ADAM10: variants seen among roughly 807,000 people sequenced by gnomAD.
ADAM10 encodes the protein ADAM metallopeptidase domain 10.
Under a neutral mutation model 90.1 loss-of-function variants are expected in ADAM10, and 17 were observed. The observed-to-expected ratio is 0.19, with a 90% CI of 0.13 to 0.28. The LOEUF (loss-of-function observed/expected upper bound fraction) is 0.28, where lower values mean the gene tolerates loss of function less well. Ranked by LOEUF, ADAM10 falls within the 10% of genes least tolerant of loss-of-function variation. The probability of loss-of-function intolerance (pLI) is 1.00; values close to 1 mark genes in which losing one functional copy is unlikely to be tolerated. For synonymous variants in ADAM10, 310 were observed against 298.6 expected (o/e 1.04, Z -0.40); for missense variants, 610 against 914.3 (o/e 0.67, Z 4.29).
intron 5 of ADAM10, among the ~76,000 whole-genome samples, chr15:58,659,705 G>A (rs1457005820): frequency 1.3e-5 from 2 of 152,026 alleles, no homozygotes; most frequent in Admixed American, 1.3e-4. Context: ...AAGTAACACT[G>A]CCCTCATAAA....
chr15:58,695,687 A>T (rs1156793694), intron 2 of ADAM10, among the ~76,000 whole-genome samples: 2 of 152,176 alleles, frequency 1.3e-5, no homozygotes, highest in African/African-American at 4.8e-5. Context: ...GTCTAAAAAA[A>T]AAAGAACGAA....
rs1894783257 is a variant in ADAM10, at chr15:58,589,520, G to GT, written c.*8026dup. 6.6e-6 allele frequency: 1 copy of GT among 152,218 alleles called. No individual in the cohort carries two copies. The highest frequency in any genetic ancestry group is 2.1e-4 in the South Asian group (1 of 4,828). The allele number at this position is 152,218 out of a possible 1,614,324, so 9.4% of individuals were successfully genotyped here. A position where few individuals can be genotyped will look rare whatever the true frequency, so the allele number is the denominator to read the frequency against. ...TTTCCAACACAAACCCCTCTGTACT[G>GT]TAACTGCTGGTTTCTTTCCTTCCGC... On this transcript the variant is annotated 3_prime_UTR_variant, in exon 16 of 16. Coordinates refer to ENST00000260408, the MANE Select transcript of ADAM10 (RefSeq NM_001110.4).
chr15:58,625,183 T>C (rs1226204621), intron 10 of ADAM10, among the ~76,000 whole-genome samples: 3 of 152,196 alleles, frequency 2.0e-5, no homozygotes, highest in Non-Finnish European at 2.9e-5. Context: ...TGTGAAACTT[T>C]TGCTCCACGA....
Position 58,597,341 on chromosome 15 carries a change from C to CT in ADAM10, c.*205dup. The CT allele has an allele frequency of 6.5e-7, 1 of 1,528,066 alleles. No homozygotes were observed. Among genetic ancestry groups the CT allele is most frequent in the South Asian group, 1.2e-5 (1 of 80,514 alleles). 94.7% of individuals were successfully genotyped at this position (1,528,066 alleles called of 1,614,324 possible). A position where few individuals can be genotyped will look rare whatever the true frequency, so the allele number is the denominator to read the frequency against. ...ATCTGTTCATAAGAAAATTGGGTTC[C>CT]TTTTCCACCTCCCACCCCCAAATTG... On this transcript the variant is annotated 3_prime_UTR_variant, in exon 16 of 16. Coordinates refer to ENST00000260408, the MANE Select transcript of ADAM10 (RefSeq NM_001110.4).
At chr15:58,627,150 T>C (rs539016783) in intron 10 of ADAM10, among the ~76,000 whole-genome samples, 9 of 152,242 alleles carry the variant, frequency 5.9e-5, no homozygotes, top group African/African-American at 2.2e-4. Context: ...CAAAGCTGTA[T>C]ACTGAGTTAA....
At chr15:58,664,242 T>C (rs1340536341) in intron 5 of ADAM10, among the ~76,000 whole-genome samples, 1 of 152,022 alleles carries the variant, frequency 6.6e-6, no homozygotes, top group Non-Finnish European at 1.5e-5. Flanking sequence ...GTGTAGAATA[T>C]CATCCTATAC....
intron 2 of ADAM10, chr15:58,703,744 T>C (rs1397134991): frequency 6.6e-6 from 1 of 152,288 alleles, no homozygotes; most frequent in African/African-American, 2.4e-5. Flanking sequence ...TCCCCCTTGC[T>C]GTTCTTCTGA....
At chr15:58,726,318 A>G (rs768106093) in intron 1 of ADAM10, among the ~76,000 whole-genome samples, 3 of 152,274 alleles carry the variant, frequency 2.0e-5, no homozygotes, top group Admixed American at 6.5e-5. Flanking sequence ...TTAAAAGTTT[A>G]TATTGAGAGG....
At chr15:58,629,568 A>C (rs1896042846) in intron 9 of ADAM10, 1 of 152,214 alleles carries the variant, frequency 6.6e-6, no homozygotes, top group Non-Finnish European at 1.5e-5. Context: ...GCGTTTCACT[A>C]AGAAACTATA....
chr15:58,673,306 G>A (rs548706797), intron 4 of ADAM10, among the ~76,000 whole-genome samples: 2 of 149,652 alleles, frequency 1.3e-5, no homozygotes, highest in East Asian at 4.0e-4. Flanking sequence ...TATGGAGATG[G>A]TAGTTTTTCA....
chr15:58,641,767 T>C (rs1178782799), intron 7 of ADAM10, among the ~76,000 whole-genome samples: 1 of 152,168 alleles, frequency 6.6e-6, no homozygotes, highest in Non-Finnish European at 1.5e-5. Context: ...TTTCCCCAGG[T>C]AAGCCAAGGA....
intron 5 of ADAM10, among the ~76,000 whole-genome samples, chr15:58,651,800 T>C (rs1393274326): frequency 6.6e-6 from 1 of 152,184 alleles, no homozygotes; most frequent in African/African-American, 2.4e-5. Context: ...TAGTTCTATT[T>C]GTAGTTTTTT....
At chr15:58,661,023 A>G (rs1896953082) in intron 5 of ADAM10, among the ~76,000 whole-genome samples, 1 of 152,264 alleles carries the variant, frequency 6.6e-6, no homozygotes, top group Non-Finnish European at 1.5e-5. Flanking sequence ...ATCCATCTTT[A>G]TCACGGCACA....
At chr15:58,598,218 A>AT (rs1430718562) in intron 15 of ADAM10, among the ~76,000 whole-genome samples, 1 of 152,232 alleles carries the variant, frequency 6.6e-6, no homozygotes, top group African/African-American at 2.4e-5. Context: ...GGTTCAATAA[A>AT]TGACAGCTAG....
chr15:58,660,079 C>A (rs1399948743), intron 5 of ADAM10, among the ~76,000 whole-genome samples: 1 of 152,230 alleles, frequency 6.6e-6, no homozygotes, highest in Non-Finnish European at 1.5e-5. Flanking sequence ...AGGATAAACT[C>A]TGAGAATATG....
At chr15:58,737,685 AT>A (rs1456230717) in intron 1 of ADAM10, among the ~76,000 whole-genome samples, 3 of 152,118 alleles carry the variant, frequency 2.0e-5, no homozygotes, top group Admixed American at 1.3e-4. Flanking sequence ...AGCCATTGTG[AT>A]TTTTTTCCAT....
intron 5 of ADAM10, among the ~76,000 whole-genome samples, chr15:58,657,250 C>A (rs1378169427): frequency 6.6e-6 from 1 of 152,108 alleles, no homozygotes; most frequent in Non-Finnish European, 1.5e-5. Context: ...TTGAGAAGTT[C>A]TCTGGTATTA....
At chr15:58,679,001 A>T in intron 4 of ADAM10, 123 bp downstream of exon 4, 3 of 973,452 alleles carry the variant, frequency 3.1e-6, no homozygotes, top group Non-Finnish European at 4.6e-6. Flanking sequence ...GCTAGTAAAA[A>T]CTATGTTCTA....
intron 5 of ADAM10, among the ~76,000 whole-genome samples, chr15:58,647,178 A>G (rs1288053736): frequency 6.7e-6 from 1 of 148,820 alleles, no homozygotes; most frequent in Non-Finnish European, 1.5e-5. Context: ...AGAAGAAATT[A>G]TCTCTGTTTG....
Sources: gnomAD v4.1 joint callset for allele counts (sites outside exome capture counted in the v4.1 genomes callset) on GRCh38, gnomAD v4.1.1 for gene constraint, MANE v1.5 for transcripts, NCBI Gene and HGNC (gene_info 2026-07-23, HGNC 2026-07-21) for gene names.